The following KLHL13 variants were observed in gnomAD, a reference collection of about 807,000 sequenced individuals.
KLHL13 encodes kelch like family member 13, also known as kelch-like protein 13.
KLHL13 carries 10 observed loss-of-function variants against 37.1 expected under a neutral mutation model. The ratio of observed to expected loss-of-function variants is 0.27; its 90% CI spans 0.17 to 0.46. KLHL13 has a LOEUF of 0.46. KLHL13 is among the 20% of genes least tolerant of loss of function. The probability of loss-of-function intolerance (pLI) is 1.00; values close to 1 mark genes in which losing one functional copy is unlikely to be tolerated. For synonymous variants in KLHL13, 163 were observed against 181.2 expected, an observed-to-expected ratio of 0.90 and a Z score of 0.81; for missense variants, 360 against 509.3, an observed-to-expected ratio of 0.71 and a Z score of 2.82.
intron 1 of KLHL13, among the ~76,000 whole-genome samples, chrX:118,045,946 C>T (rs1039654842): frequency 8.9e-6 from 1 of 112,180 alleles, no homozygotes; most frequent in Admixed American, 9.4e-5. Flanking sequence ...GTTGGTGGAA[C>T]GTAAATTAGT....
At chrX:117,913,453 T>C (rs183201467) in intron 4 of KLHL13, among the ~76,000 whole-genome samples, 1 of 112,772 alleles carries the variant, frequency 8.9e-6, no homozygotes, top group African/African-American at 3.2e-5. Flanking sequence ...TGAGTTCATC[T>C]TTTATTTCAT....
intron 1 of KLHL13, among the ~76,000 whole-genome samples, chrX:117,969,584 C>T (rs1361933810): frequency 1.8e-5 from 2 of 111,341 alleles, no homozygotes; most frequent in African/African-American, 6.5e-5. Context: ...TCACCAAGCA[C>T]TCTATTTCTA....
intron 1 of KLHL13, among the ~76,000 whole-genome samples, chrX:118,034,375 A>G (rs1380407246): frequency 2.2e-5 from 2 of 92,554 alleles, no homozygotes; most frequent in African/African-American, 9.3e-5. Flanking sequence ...AAAGAACAGA[A>G]ATTATAACAA....
chrX:118,039,285 C>G (rs1298622287), intron 1 of KLHL13, among the ~76,000 whole-genome samples: 2 of 112,078 alleles, frequency 1.8e-5, no homozygotes, highest in African/African-American at 6.5e-5. Flanking sequence ...CAGGCTCCTA[C>G]AGTCCCCAAT....
At chrX:118,053,204 A>G (rs1453820335) in intron 1 of KLHL13, among the ~76,000 whole-genome samples, 3 of 112,387 alleles carry the variant, frequency 2.7e-5, no homozygotes, top group Non-Finnish European at 5.6e-5. Context: ...TATTTATTGC[A>G]GCACTATTCA....
intron 1 of KLHL13, among the ~76,000 whole-genome samples, chrX:117,961,399 T>C (rs955685070): frequency 8.9e-6 from 1 of 112,304 alleles, no homozygotes; most frequent in African/African-American, 3.2e-5. Flanking sequence ...CTACAACGCA[T>C]GTGTAAGCCC....
intron 1 of KLHL13, among the ~76,000 whole-genome samples, chrX:118,052,670 A>G (rs2054629863): frequency 9.1e-6 from 1 of 110,160 alleles, no homozygotes; most frequent in Non-Finnish European, 1.9e-5. Context: ...TACTAAAAAA[A>G]AAACAAAATA....
At chrX:117,953,360 A>C (rs1444273613) in intron 1 of KLHL13, among the ~76,000 whole-genome samples, 4 of 110,135 alleles carry the variant, frequency 3.6e-5, no homozygotes, top group Non-Finnish European at 7.6e-5. Flanking sequence ...ACAATGAGAA[A>C]ACATGGACAC....
intron 1 of KLHL13, among the ~76,000 whole-genome samples, chrX:118,038,978 C>T (rs1333798848): frequency 8.9e-6 from 1 of 112,225 alleles, no homozygotes; most frequent in Non-Finnish European, 1.9e-5. Context: ...TAGGCTAGGA[C>T]AGCAGGCACA....
chrX:117,920,341 C>A, exon 3 of KLHL13: 1 of 1,206,908 alleles, frequency 8.3e-7, no homozygotes. Flanking sequence ...CATCACAAAG[C>A]AATCCTTCAA....
At chrX:118,002,111 G>C (rs768676822) in intron 1 of KLHL13, among the ~76,000 whole-genome samples, 1 of 111,194 alleles carries the variant, frequency 9.0e-6, no homozygotes, top group East Asian at 2.9e-4. Context: ...CTATAAACAA[G>C]ACAATAATTA....
In KLHL13 at chrX:118,032,703, C is replaced by T. The variant is rs376155537; in HGVS notation, c.-56+83805G>A. Among the ~76,000 whole-genome samples the T allele has an allele frequency of 4.5e-5, 5 of 112,239 alleles. No homozygotes were observed. In the East Asian group the frequency reaches 8.4e-4, roughly 19 times the overall value. On this transcript the variant is annotated intron_variant, in intron 1 of 6. Coordinates refer to the KLHL13 transcript ENST00000371882. ...GAGCACCTCTCCTCCTCCAAAGGAA[C>T]GCAGTTCCTCACCAGCAACGGAACA...
chrX:117,950,520 A>C (rs761407081), intron 1 of KLHL13, among the ~76,000 whole-genome samples: 1 of 112,220 alleles, frequency 8.9e-6, no homozygotes, highest in South Asian at 3.7e-4. Flanking sequence ...CAAAAGTATA[A>C]TATAGATATT....
chrX:118,022,189 A>G (rs2054224189), intron 1 of KLHL13, among the ~76,000 whole-genome samples: 2 of 112,007 alleles, frequency 1.8e-5, no homozygotes, highest in Non-Finnish European at 3.8e-5. Flanking sequence ...TCCTTTTTAA[A>G]AGACTGAATA....
intron 1 of KLHL13, among the ~76,000 whole-genome samples, chrX:118,094,140 GA>G (rs929183820): frequency 1.5e-3 from 162 of 109,626 alleles, no homozygotes; most frequent in Non-Finnish European, 2.8e-3. Flanking sequence ...TAAAAACCTT[GA>G]AAAAAAATTA....
intron 1 of KLHL13, among the ~76,000 whole-genome samples, chrX:118,048,715 C>T (rs2054584851): frequency 9.0e-6 from 1 of 111,226 alleles, no homozygotes; most frequent in African/African-American, 3.3e-5. Flanking sequence ...AGAAATAAAA[C>T]CAGACAGAAC....
chrX:117,966,059 A>G (rs968368856), intron 1 of KLHL13, among the ~76,000 whole-genome samples: 6 of 111,763 alleles, frequency 5.4e-5, no homozygotes, highest in African/African-American at 1.9e-4. Flanking sequence ...GGCCAGGGCA[A>G]TCAGGTAGGA....
chrX:117,948,190 G>A (rs1215498158), intron 1 of KLHL13, among the ~76,000 whole-genome samples: 1 of 111,789 alleles, frequency 8.9e-6, no homozygotes, highest in East Asian at 2.8e-4. Flanking sequence ...AGTGCCAAAG[G>A]TGAGAAATCC....
chrX:117,951,826 A>G (rs1456478570), intron 1 of KLHL13, among the ~76,000 whole-genome samples: 1 of 112,229 alleles, frequency 8.9e-6, no homozygotes, highest in African/African-American at 3.2e-5. Context: ...AATCCTTGTA[A>G]TAACTCATTT....
Sources: gnomAD v4.1 joint callset for allele counts (sites outside exome capture counted in the v4.1 genomes callset) on GRCh38, gnomAD v4.1.1 for gene constraint, MANE v1.5 for transcripts, NCBI Gene and HGNC (gene_info 2026-07-23, HGNC 2026-07-21) for gene names.